The following SCAF8 variants were observed in gnomAD, a reference collection of about 807,000 sequenced individuals.
SCAF8 encodes the protein SR-related CTD associated factor 8.
Under a neutral mutation model 140.5 loss-of-function variants are expected in SCAF8, and 23 were observed. That is an observed-to-expected ratio of 0.16 (90% CI 0.12 to 0.23). SCAF8 has a LOEUF of 0.23. SCAF8 is among the 10% of genes least tolerant of loss of function. The probability of loss-of-function intolerance (pLI) is 1.00; values close to 1 mark genes in which losing one functional copy is unlikely to be tolerated. For synonymous variants in SCAF8, 575 were observed against 528.9 expected, an observed-to-expected ratio of 1.09 and a Z score of -1.20; for missense variants, 1,397 against 1,555.7, an observed-to-expected ratio of 0.90 and a Z score of 1.72.
chr6:154,815,616 A>G, intron 12 of SCAF8, 100 bp from the exon 13 acceptor site: 1 of 475,766 alleles, frequency 2.1e-6, no homozygotes. Flanking sequence ...ATTATCTTAA[A>G]TTTAATTATT....
In SCAF8 at chr6:154,833,683, C is replaced by G. The variant is rs1778819540; in HGVS notation, c.*288C>G. The G allele has an allele frequency of 3.8e-6, 1 of 262,584 alleles. No individual in the cohort carries two copies. The allele number at this position is 262,584 out of a possible 1,614,324, so 16.3% of individuals were successfully genotyped here. ...ATGAATAACAGCTTGTCAGAGACTT[C>G]CTATGGAAGAAAGAATTTTTTAGAT... On this transcript the variant is annotated 3_prime_UTR_variant, in exon 20 of 20. Transcript: ENST00000367178.
At chr6:154,822,234 T>C in intron 15 of SCAF8, 42 bp from the exon 16 acceptor site, 2 of 1,570,030 alleles carry the variant, frequency 1.3e-6, no homozygotes, top group Non-Finnish European at 8.6e-7. Flanking sequence ...AATGAAAAGT[T>C]GCACCTATCC....
At chr6:154,762,921 T>C (rs1009819516) in intron 1 of SCAF8, among the ~76,000 whole-genome samples, 17 of 152,324 alleles carry the variant, frequency 1.1e-4, no homozygotes, top group Admixed American at 9.8e-4. Flanking sequence ...ACATTATTTA[T>C]TGATTTTTTG....
At position 154,733,881 on chromosome 6, in the gene SCAF8, G is replaced by A. The variant is rs771383445; in HGVS notation, c.-20G>A. 3 of 1,543,560 alleles carry A rather than the reference G, an allele frequency of 1.9e-6. No individual in the cohort carries two copies. Among genetic ancestry groups the A allele is most frequent in the South Asian group, 1.2e-5 (1 of 83,718 alleles). On this transcript the variant is annotated 5_prime_UTR_variant, in exon 1 of 20. Coordinates refer to ENST00000367178, the MANE Select transcript of SCAF8 (RefSeq NM_014892.5). The stretch of plus-strand genomic sequence containing the variant: ...CGCCGCCTCTTCCGCCGCCGGGCTC[G>A]GGGCCTCCGCAGCGACAACATGGAG...
chr6:154,828,469 G>A (rs1778632113), intron 18 of SCAF8, among the ~76,000 whole-genome samples: 1 of 149,418 alleles, frequency 6.7e-6, no homozygotes, highest in African/African-American at 2.5e-5. Context: ...TTCTCCTTCA[G>A]TTTCTTTAGT....
rs200342095 is a variant in SCAF8, at chr6:154,756,831, C to T, written c.31-17158C>T. ...CGCTTGAGCCTCAGGAGTTTTAAGA[C>T]CAGCCTGGACAACATAACGAAACCC... is the stretch of plus-strand genomic sequence containing the variant. On this transcript the variant is annotated intron_variant, in intron 1 of 19. Transcript: ENST00000367178. 5.3e-4 allele frequency among the ~76,000 whole-genome samples: 81 copies of T among 152,058 alleles called. 1 individual carries two copies. The East Asian group carries it at 0.011, about 20-fold the overall frequency.
At chr6:154,831,493 T>C (rs946810622) in intron 19 of SCAF8, among the ~76,000 whole-genome samples, 1 of 152,012 alleles carries the variant, frequency 6.6e-6, no homozygotes, top group African/African-American at 2.4e-5. Flanking sequence ...TATCGGGAAC[T>C]TACTTCTAAT....
At chr6:154,807,309 A>G (rs1354099211) in intron 9 of SCAF8, among the ~76,000 whole-genome samples, 4 of 152,222 alleles carry the variant, frequency 2.6e-5, no homozygotes, top group African/African-American at 9.6e-5. Flanking sequence ...GAATAATAAG[A>G]TCCCTTTGAA....
intron 2 of SCAF8, among the ~76,000 whole-genome samples, chr6:154,775,408 C>T (rs1417349219): frequency 1.3e-5 from 2 of 152,104 alleles, no homozygotes; most frequent in African/African-American, 4.8e-5. Flanking sequence ...AGTGTGGAAA[C>T]GTGTATTTTT....
intron 1 of SCAF8, among the ~76,000 whole-genome samples, chr6:154,768,427 A>T (rs1048108022): frequency 2.0e-5 from 3 of 152,240 alleles, no homozygotes; most frequent in Non-Finnish European, 4.4e-5. Context: ...TGAACTGCTC[A>T]TGCAGAAATG....
chr6:154,782,771 A>G (rs1777122164), intron 3 of SCAF8, among the ~76,000 whole-genome samples: 1 of 152,168 alleles, frequency 6.6e-6, no homozygotes, highest in South Asian at 2.1e-4. Flanking sequence ...GTCCAGCACA[A>G]GAGGAAGATG....
intron 1 of SCAF8, among the ~76,000 whole-genome samples, chr6:154,735,213 T>C (rs1214054271): frequency 6.6e-6 from 1 of 152,158 alleles, no homozygotes; most frequent in African/African-American, 2.4e-5. Flanking sequence ...GCCAATACTT[T>C]ATTCGATACT....
intron 1 of SCAF8, among the ~76,000 whole-genome samples, chr6:154,734,570 T>G (rs1327160367): frequency 6.6e-6 from 1 of 152,168 alleles, no homozygotes; most frequent in Non-Finnish European, 1.5e-5. Context: ...AGACAAATGG[T>G]AGGGAGAGAT....
intron 1 of SCAF8, among the ~76,000 whole-genome samples, chr6:154,744,699 T>G (rs999580186): frequency 4.6e-5 from 7 of 152,342 alleles, no homozygotes; most frequent in East Asian, 3.9e-4. Context: ...TTTGGTTGGT[T>G]GTTTTGTTTT....
rs1778327123 is a variant in SCAF8, at chr6:154,733,760, C to G, written c.-141C>G. 2.2e-6 allele frequency: 3 copies of G among 1,358,582 alleles called. No individual in the cohort carries two copies. The highest frequency in any genetic ancestry group is 8.2e-5 in the Admixed American group (2 of 24,364). 84.2% of individuals were successfully genotyped at this position (1,358,582 alleles called of 1,614,324 possible). ...CCCGCCAGCGCGTGCCCTTCCACTC[C>G]GCCCCGAGGTCGCAGCGGCCCGCTC... On this transcript the variant is annotated 5_prime_UTR_variant, in exon 1 of 20. Transcript: ENST00000367178.
At position 154,747,608 on chromosome 6, in the gene SCAF8, A is replaced by G. The variant is rs532101550; in HGVS notation, c.30+13678A>G. Among the ~76,000 whole-genome samples, 4 of 152,336 alleles carry G rather than the reference A, an allele frequency of 2.6e-5. No homozygotes were observed. In the South Asian group the frequency reaches 8.3e-4, roughly 32 times the overall value. On this transcript the variant is annotated intron_variant, in intron 1 of 19. Transcript: ENST00000367178. The stretch of plus-strand genomic sequence containing the variant: ...AAGGCTATGCTTTGCTGGGCTCAGC[A>G]GTAAACTTAGAAACCCGAGAACTTG...
chr6:154,758,756 A>T (rs1054114988), intron 1 of SCAF8, among the ~76,000 whole-genome samples: 1 of 152,126 alleles, frequency 6.6e-6, no homozygotes, highest in Non-Finnish European at 1.5e-5. Context: ...TTAGCCACAG[A>T]TGGATCTTCT....
At chr6:154,746,510 G>C (rs968479089) in intron 1 of SCAF8, among the ~76,000 whole-genome samples, 1 of 152,120 alleles carries the variant, frequency 6.6e-6, no homozygotes, top group Non-Finnish European at 1.5e-5. Context: ...AAACACAGTA[G>C]GGTTCGTTCT....
At chr6:154,780,904 G>A (rs1777065113) in intron 3 of SCAF8, among the ~76,000 whole-genome samples, 1 of 151,870 alleles carries the variant, frequency 6.6e-6, no homozygotes, top group South Asian at 2.1e-4. Flanking sequence ...GGGATTGCTG[G>A]GTCAGATGGT....
Sources: gnomAD v4.1 joint callset for allele counts (sites outside exome capture counted in the v4.1 genomes callset) on GRCh38, gnomAD v4.1.1 for gene constraint, MANE v1.5 for transcripts, NCBI Gene and HGNC (gene_info 2026-07-23, HGNC 2026-07-21) for gene names.